The following ZNF146 variants were observed in gnomAD, a reference collection of about 807,000 sequenced individuals.
ZNF146 encodes the protein zinc finger protein OZF.
ZNF146 carries 9 observed loss-of-function variants against 22.2 expected under a neutral mutation model. The ratio of observed to expected loss-of-function variants is 0.41; its 90% CI spans 0.24 to 0.71. The LOEUF is 0.71. Among genes scored for constraint, ZNF146 ranks in the 30% least tolerant of loss-of-function variants. The pLI is 0.34. For synonymous variants in ZNF146, 108 were observed against 119.2 expected (o/e 0.91, Z 0.61); for missense variants, 194 against 344.8 (o/e 0.56, Z 3.46).
rs575999639 is a variant in ZNF146, at chr19:36,232,455, T to C, written c.-782-3204T>C. The stretch of plus-strand genomic sequence containing the variant: ...GCAAATGATACCTTAAACATGGTTT[T>C]AGATTTTGCCGTCTATAGTCTGCAT... On this transcript the variant is annotated intron_variant, in intron 3 of 3. Coordinates refer to ENST00000443387, the MANE Select transcript of ZNF146 (RefSeq NM_007145.3). Among the ~76,000 whole-genome samples the C allele has an allele frequency of 2.0e-5, 3 of 152,252 alleles. No individual in the cohort carries two copies. In the South Asian group the frequency reaches 6.2e-4, roughly 32 times the overall value.
intron 3 of ZNF146, among the ~76,000 whole-genome samples, chr19:36,230,412 G>A (rs961665119): frequency 5.3e-5 from 8 of 152,180 alleles, no homozygotes; most frequent in African/African-American, 1.9e-4. Flanking sequence ...CTTAAAAAAT[G>A]TATACTATCA....
intron 3 of ZNF146, among the ~76,000 whole-genome samples, chr19:36,232,791 G>T (rs779553340): frequency 1.3e-5 from 2 of 151,888 alleles, no homozygotes; most frequent in Non-Finnish European, 2.9e-5. Context: ...TGTATTTTTA[G>T]TAGAGACGAG....
intron 1 of ZNF146, among the ~76,000 whole-genome samples, chr19:36,217,335 T>G (rs1976654864): frequency 6.6e-6 from 1 of 151,498 alleles, no homozygotes; most frequent in Admixed American, 6.6e-5. Flanking sequence ...AGTGCTAGGA[T>G]TACAGGCATG....
At chr19:36,230,519 A>G (rs1434154863) in intron 3 of ZNF146, among the ~76,000 whole-genome samples, 1 of 152,170 alleles carries the variant, frequency 6.6e-6, no homozygotes, top group Non-Finnish European at 1.5e-5. Context: ...TGGTGGGGAA[A>G]GGTCTCACTG....
Position 36,236,294 on chromosome 19 carries a change from C to T in ZNF146, c.-147C>T, listed in dbSNP as rs1977641689. 1 of 943,844 alleles carries T rather than the reference C, an allele frequency of 1.1e-6. No homozygotes were observed. Among genetic ancestry groups the T allele is most frequent in the African/African-American group, 1.7e-5 (1 of 60,078 alleles). 58.5% of individuals were successfully genotyped at this position (943,844 alleles called of 1,614,324 possible). A position where few individuals can be genotyped will look rare whatever the true frequency, so the allele number is the denominator to read the frequency against. On this transcript the variant is annotated 5_prime_UTR_variant, in exon 4 of 4. Coordinates refer to ENST00000443387, the MANE Select transcript of ZNF146 (RefSeq NM_007145.3). ...ATAACATTTCCTCTCAAACCTTATC[C>T]CTTACTCTGCATTTGGGAGATCATA...
intron 1 of ZNF146, among the ~76,000 whole-genome samples, chr19:36,216,550 G>GCGGAGGCTGAGGCAGGAAAAT (rs11268113): frequency 0.37 from 56,178 of 151,200 alleles, 10,648 homozygotes; most frequent in South Asian, 0.49. Context: ...CTGAGCTACC[G>GCGGAGGCTGAGGCAGGAAAAT]CGGAGGCTGA....
intron 3 of ZNF146, among the ~76,000 whole-genome samples, chr19:36,234,345 CAG>C (rs1424129377): frequency 2.1e-5 from 3 of 140,656 alleles, no homozygotes; most frequent in Non-Finnish European, 1.5e-5. Flanking sequence ...GCCTGGGCGA[CAG>C]AGCAAGACTG....
chr19:36,223,950 A>G (rs1325165222), intron 2 of ZNF146, among the ~76,000 whole-genome samples: 2 of 152,072 alleles, frequency 1.3e-5, no homozygotes, highest in Non-Finnish European at 2.9e-5. Context: ...CCCAAGTCAG[A>G]GCAATAGTTT....
chr19:36,220,129 T>C (rs1254827352), intron 2 of ZNF146, among the ~76,000 whole-genome samples: 1 of 152,192 alleles, frequency 6.6e-6, no homozygotes, highest in Non-Finnish European at 1.5e-5. Flanking sequence ...AATTGACCAT[T>C]TCTCCAAGGA....
chr19:36,224,551 G>A (rs1976992511), intron 2 of ZNF146, among the ~76,000 whole-genome samples: 1 of 152,140 alleles, frequency 6.6e-6, no homozygotes, highest in Admixed American at 6.5e-5. Context: ...TTTTACTATT[G>A]AGGCTTTATC....
At chr19:36,229,428 T>C (rs933098142) in intron 3 of ZNF146, among the ~76,000 whole-genome samples, 2 of 152,208 alleles carry the variant, frequency 1.3e-5, no homozygotes, top group African/African-American at 4.8e-5. Flanking sequence ...CACTGTGGCC[T>C]CAGCTTCCTG....
chr19:36,216,021 C>A (rs970036127), intron 1 of ZNF146, among the ~76,000 whole-genome samples: 1 of 152,082 alleles, frequency 6.6e-6, no homozygotes, highest in African/African-American at 2.4e-5. Flanking sequence ...TCCAAAGATG[C>A]GTTTTCTAAG....
chr19:36,221,382 G>A (rs948134089), intron 2 of ZNF146, among the ~76,000 whole-genome samples: 2 of 138,828 alleles, frequency 1.4e-5, no homozygotes, highest in Non-Finnish European at 3.0e-5. Flanking sequence ...TCCGCCTCCC[G>A]GGTTCACGCC....
intron 3 of ZNF146, among the ~76,000 whole-genome samples, chr19:36,230,695 CA>C (rs1216056710): frequency 6.6e-6 from 1 of 152,116 alleles, no homozygotes; most frequent in Non-Finnish European, 1.5e-5. Context: ...AGAGAGAGGG[CA>C]AAAGGGAATA....
At chr19:36,218,666 TC>T (rs1201108146) in intron 2 of ZNF146, among the ~76,000 whole-genome samples, 1 of 152,080 alleles carries the variant, frequency 6.6e-6, no homozygotes, top group Non-Finnish European at 1.5e-5. Flanking sequence ...AGATGGGGTT[TC>T]ACCGCGTTAG....
chr19:36,224,742 T>A (rs1377038128), intron 2 of ZNF146, among the ~76,000 whole-genome samples: 1 of 152,240 alleles, frequency 6.6e-6, no homozygotes, highest in Non-Finnish European at 1.5e-5. Flanking sequence ...ATTTATAAAA[T>A]AACTTGGGAA....
rs1293390930 is a variant in ZNF146, at chr19:36,236,742, A to C, written c.302A>C (p.Glu101Ala). The change falls in exon 4 of 4, where the codon GAG (glutamate) becomes GCG (alanine). Residue 101 changes from glutamate to alanine, a missense_variant. Around this residue, in one of 2 missense-constraint regions of ZNF146, gnomAD observed 147 missense variants for 300.1 expected, o/e 0.49. Coordinates refer to ENST00000443387, the MANE Select transcript of ZNF146 (RefSeq NM_007145.3). ...QKIHTGEKPFECKDCGKAFIQ... is the reference protein window; with the variant it reads ...QKIHTGEKPFACKDCGKAFIQ... ...ATTCACACTGGAGAAAAACCTTTTGAGTGTAAAGATTGCGGGAAAGCTTTC... is the reference window on the plus strand; with the variant it reads ...ATTCACACTGGAGAAAAACCTTTTGCGTGTAAAGATTGCGGGAAAGCTTTC... 2.5e-6 allele frequency: 4 copies of C among 1,614,206 alleles called. No individual in the cohort carries two copies. The highest frequency in any genetic ancestry group is 1.3e-5 in the African/African-American group (1 of 75,066).
intron 3 of ZNF146, among the ~76,000 whole-genome samples, chr19:36,232,329 G>C (rs1238234356): frequency 6.6e-6 from 1 of 151,334 alleles, no homozygotes; most frequent in African/African-American, 2.4e-5. Context: ...ATATAAACTT[G>C]AATTCAGTTT....
At chr19:36,225,274 C>T (rs1977018027) in intron 2 of ZNF146, among the ~76,000 whole-genome samples, 2 of 152,050 alleles carry the variant, frequency 1.3e-5, no homozygotes, top group African/African-American at 2.4e-5. Flanking sequence ...AACAACAATC[C>T]CTCAAAATTT....
Sources: gnomAD v4.1 joint callset for allele counts (sites outside exome capture counted in the v4.1 genomes callset) on GRCh38, gnomAD v4.1.1 for gene constraint, gnomAD v4.1.1 regional missense constraint, MANE v1.5 for transcripts, NCBI Gene and HGNC (gene_info 2026-07-23, HGNC 2026-07-21) for gene names.